Variants in ERC2 observed in about 807,000 individuals in gnomAD.
The protein encoded by ERC2 is ELKS/RAB6-interacting/CAST family member 2.
In ERC2, 42 loss-of-function variants were observed where a neutral mutation model predicts 114.8. The ratio of observed to expected loss-of-function variants is 0.37; its 90% CI spans 0.29 to 0.47. The LOEUF is 0.47. Among genes scored for constraint, ERC2 ranks in the 20% least tolerant of loss-of-function variants. The probability of loss-of-function intolerance (pLI) is 0.99; values close to 1 mark genes in which losing one functional copy is unlikely to be tolerated. For synonymous variants in ERC2, 454 were observed against 425.5 expected, an observed-to-expected ratio of 1.07 and a Z score of -0.82; for missense variants, 939 against 1,150.7, an observed-to-expected ratio of 0.82 and a Z score of 2.66.
chr3:55,758,856 T>C (rs1446358585), intron 14 of ERC2, among the ~76,000 whole-genome samples: 1 of 152,158 alleles, frequency 6.6e-6, no homozygotes, highest in African/African-American at 2.4e-5. Context: ...TTCAGTAAGA[T>C]CTCTACCAAC....
chr3:55,658,689 T>G (rs1477569433), intron 17 of ERC2: 2 of 152,734 alleles, frequency 1.3e-5, no homozygotes, highest in Admixed American at 6.5e-5. Context: ...TCCCTCTCCC[T>G]GTTGCAGAGC....
At chr3:55,839,428 C>A (rs145169420) in intron 14 of ERC2, among the ~76,000 whole-genome samples, 3 of 151,790 alleles carry the variant, frequency 2.0e-5, no homozygotes, top group Admixed American at 6.6e-5. Flanking sequence ...CATGAGTAAA[C>A]ATAAAGATAT....
intron 17 of ERC2, among the ~76,000 whole-genome samples, chr3:55,535,434 G>A (rs1401510571): frequency 1.3e-5 from 2 of 152,214 alleles, no homozygotes; most frequent in Admixed American, 1.3e-4. Context: ...GTTTTGGGGA[G>A]AGAAGGTGGA....
intron 11 of ERC2, among the ~76,000 whole-genome samples, chr3:55,987,789 G>A (rs1413286939): frequency 1.3e-5 from 2 of 152,098 alleles, no homozygotes; most frequent in African/African-American, 4.8e-5. Context: ...GTGTCCAAAT[G>A]TCTGGTGATA....
intron 2 of ERC2, among the ~76,000 whole-genome samples, chr3:56,341,691 G>C (rs62255863): frequency 0.31 from 47,232 of 151,744 alleles, 7,440 homozygotes; most frequent in Admixed American, 0.34. Context: ...AGAAGCCCCA[G>C]TAATCCTGTT....
At chr3:55,745,428 A>G (rs559013270) in intron 14 of ERC2, among the ~76,000 whole-genome samples, 1 of 152,368 alleles carries the variant, frequency 6.6e-6, no homozygotes, top group African/African-American at 2.4e-5. Context: ...AAAATATTTT[A>G]AAAAATTGGT....
At chr3:55,819,689 G>C (rs939181734) in intron 14 of ERC2, among the ~76,000 whole-genome samples, 2 of 152,178 alleles carry the variant, frequency 1.3e-5, no homozygotes, top group African/African-American at 4.8e-5. Flanking sequence ...TTGTGGGATA[G>C]CATCTATTAG....
intron 3 of ERC2, chr3:56,185,307 T>C (rs960852811): frequency 7.9e-5 from 12 of 152,244 alleles, no homozygotes; most frequent in African/African-American, 2.9e-4. Context: ...AAAACTGCAA[T>C]GGACCAGTGG....
At chr3:55,726,822 G>A (rs1446974896) in intron 15 of ERC2, among the ~76,000 whole-genome samples, 1 of 152,142 alleles carries the variant, frequency 6.6e-6, no homozygotes, top group Non-Finnish European at 1.5e-5. Context: ...TCCTGCTCTA[G>A]CTGACCTATG....
intron 5 of ERC2, among the ~76,000 whole-genome samples, chr3:56,143,409 C>T (rs1004812224): frequency 2.6e-5 from 4 of 152,142 alleles, no homozygotes; most frequent in African/African-American, 9.7e-5. Flanking sequence ...ATGGGAGGGA[C>T]CCAGCAGGAG....
intron 12 of ERC2, among the ~76,000 whole-genome samples, chr3:55,961,964 C>A (rs1266286302): frequency 6.6e-6 from 1 of 152,066 alleles, no homozygotes; most frequent in Non-Finnish European, 1.5e-5. Flanking sequence ...CCAAGCCACA[C>A]TGGCCTTCCA....
At chr3:56,215,744 T>C (rs1338537565) in intron 3 of ERC2, among the ~76,000 whole-genome samples, 1 of 152,154 alleles carries the variant, frequency 6.6e-6, no homozygotes, top group Non-Finnish European at 1.5e-5. Context: ...TAGTTGGAAG[T>C]AAAGCACTCC....
At chr3:55,775,573 TAAATAAATAAAA>T (rs1295971045) in intron 14 of ERC2, among the ~76,000 whole-genome samples, 3 of 137,838 alleles carry the variant, frequency 2.2e-5, no homozygotes, top group African/African-American at 8.4e-5. Flanking sequence ...AATAAATAAA[TAAATAAATAAAA>T]AAGGAAAAAG....
At chr3:56,149,525 A>G (rs1042583292) in intron 4 of ERC2, among the ~76,000 whole-genome samples, 1 of 152,232 alleles carries the variant, frequency 6.6e-6, no homozygotes, top group Non-Finnish European at 1.5e-5. Flanking sequence ...ATAAACACAA[A>G]AACAGTTTAT....
At chr3:55,543,904 A>G (rs1368395509) in intron 17 of ERC2, among the ~76,000 whole-genome samples, 1 of 152,020 alleles carries the variant, frequency 6.6e-6, no homozygotes, top group Non-Finnish European at 1.5e-5. Flanking sequence ...CCTCCCCACG[A>G]TCCTCAATTC....
chr3:55,944,594 T>C (rs2067013515), intron 13 of ERC2, among the ~76,000 whole-genome samples: 1 of 152,250 alleles, frequency 6.6e-6, no homozygotes. Flanking sequence ...ACTTGGCTTC[T>C]TGGAACATTT....
intron 2 of ERC2, among the ~76,000 whole-genome samples, chr3:56,401,207 T>C (rs2060506908): frequency 1.3e-5 from 2 of 152,308 alleles, no homozygotes; most frequent in South Asian, 4.1e-4. Flanking sequence ...ATAAACATTG[T>C]TTGGTCTAGG....
At chr3:55,911,638 C>T (rs1110225) in intron 13 of ERC2, among the ~76,000 whole-genome samples, 109,027 of 152,066 alleles carry the variant, frequency 0.72, 39,297 homozygotes, top group Admixed American at 0.78. Context: ...TTCCCAAATA[C>T]CCAATTTCTT....
chr3:56,436,188 A>G (rs2062010689), intron 1 of ERC2, among the ~76,000 whole-genome samples: 2 of 152,198 alleles, frequency 1.3e-5, no homozygotes, highest in Non-Finnish European at 2.9e-5. Context: ...GATTTGAGAA[A>G]GGCAAACAGG....
Sources: gnomAD v4.1 joint callset for allele counts (sites outside exome capture counted in the v4.1 genomes callset) on GRCh38, gnomAD v4.1.1 for gene constraint, MANE v1.5 for transcripts, NCBI Gene and HGNC (gene_info 2026-07-23, HGNC 2026-07-21) for gene names.